The following ADCY3 variants were observed in gnomAD, a reference collection of about 807,000 sequenced individuals.
ADCY3 encodes the protein adenylate cyclase type 3.
A neutral mutation model predicts 119.4 loss-of-function variants in ADCY3; 70 were observed. The observed-to-expected ratio is 0.59, with a 90% CI of 0.48 to 0.72. The LOEUF (loss-of-function observed/expected upper bound fraction) is 0.72. Ranked by LOEUF, ADCY3 falls within the 30% of genes least tolerant of loss-of-function variation. The pLI is 0.00. For synonymous variants in ADCY3, 672 were observed against 621.4 expected, an observed-to-expected ratio of 1.08 and a Z score of -1.21; for missense variants, 1,238 against 1,541.6, an observed-to-expected ratio of 0.80 and a Z score of 3.30.
chr2:24,887,581 G>A (rs778570404), intron 2 of ADCY3, among the ~76,000 whole-genome samples: 35 of 151,900 alleles, frequency 2.3e-4, no homozygotes, highest in South Asian at 4.2e-4. Context: ...TGGTTCCCCC[G>A]GCATCTGGCT....
intron 17 of ADCY3, 109 bp downstream of exon 17, chr2:24,824,269 C>G: frequency 7.1e-7 from 1 of 1,417,232 alleles, no homozygotes; most frequent in South Asian, 1.4e-5. Flanking sequence ...CTACCTAGGC[C>G]CCAGTCCCCT....
At chr2:24,902,226 G>A (rs1679000952) in intron 2 of ADCY3, among the ~76,000 whole-genome samples, 1 of 151,706 alleles carries the variant, frequency 6.6e-6, no homozygotes, top group Non-Finnish European at 1.5e-5. Context: ...GACCACAAGT[G>A]TGTGCCACCA....
chr2:24,834,364 C>G lies in ADCY3; in HGVS notation c.1967+121G>C. On this transcript the variant is annotated intron_variant, in intron 11 of 21. Coordinates refer to ENST00000679454, the MANE Select transcript of ADCY3 (RefSeq NM_004036.5). The surrounding 1 kb of genome is among the most constrained non-coding windows in gnomAD (Gnocchi z 4.2). ...CTGTGGGGGCCGTCCCAGTGGGGGT[C>G]AGGGAGCAGAGACTGGCTTGCTCCC... 1 of 1,250,880 alleles carries G rather than the reference C, an allele frequency of 8.0e-7. No individual in the cohort carries two copies. The highest frequency in any genetic ancestry group is 2.5e-5 in the East Asian group (1 of 39,472). The allele number at this position is 1,250,880 out of a possible 1,614,324, so 77.5% of individuals were successfully genotyped here.
Position 24,917,712 on chromosome 2 carries a change from G to A in ADCY3, c.675+601C>T, listed in dbSNP as rs115586026. 7.2e-3 allele frequency among the ~76,000 whole-genome samples: 1,092 copies of A among 152,254 alleles called. 8 individuals are homozygous for A. Among genetic ancestry groups the A allele is most frequent in the African/African-American group, 0.025 (1,035 of 41,522 alleles). On this transcript the variant is annotated intron_variant, in intron 2 of 21. Coordinates refer to ENST00000679454, the MANE Select transcript of ADCY3 (RefSeq NM_004036.5). ...CCCCACACCACACCTTCAGTGGGGA[G>A]ACCACCATTCTCCACTTCATAGAAC...
At chr2:24,854,973 C>G in intron 3 of ADCY3, among the ~76,000 whole-genome samples, 1 of 152,098 alleles carries the variant, frequency 6.6e-6, no homozygotes, top group South Asian at 2.1e-4. Context: ...TCGCTTGAAC[C>G]CGGGAGAGAG....
At chr2:24,916,591 AG>A (rs937936621) in intron 2 of ADCY3, among the ~76,000 whole-genome samples, 2 of 152,244 alleles carry the variant, frequency 1.3e-5, no homozygotes, top group African/African-American at 2.4e-5. Context: ...CTAAGGCAGA[AG>A]AATAGCTTGA....
At position 24,819,872 on chromosome 2, in the gene ADCY3, CTTCAGTT is replaced by C; in HGVS notation, c.*53_*59del. On this transcript the variant is annotated 3_prime_UTR_variant, in exon 22 of 22. Coordinates refer to ENST00000679454, the MANE Select transcript of ADCY3 (RefSeq NM_004036.5). ...TTCAATCCAGGAAGGTCGGGACTTC[CTTCAGTT>C]TCAAAAAATAAATTCTCCCTTCCGG... is the stretch of plus-strand genomic sequence containing the variant. 6.4e-7 allele frequency: 1 copy of C among 1,562,234 alleles called. No homozygotes were observed. The highest frequency in any genetic ancestry group is 8.7e-7 in the Non-Finnish European group (1 of 1,147,614).
intron 14 of ADCY3, 110 bp downstream of exon 14, chr2:24,827,792 G>T: frequency 6.6e-7 from 1 of 1,520,024 alleles, no homozygotes. Flanking sequence ...AGCCTTTGAG[G>T]ACCCCTAGTG....
At chr2:24,868,628 A>G (rs1449247743) in intron 3 of ADCY3, among the ~76,000 whole-genome samples, 1 of 150,798 alleles carries the variant, frequency 6.6e-6, no homozygotes, top group Non-Finnish European at 1.5e-5. Flanking sequence ...AGCAAGATTC[A>G]GTCTCCAAAA....
At chr2:24,844,319 G>A (rs1418087917) in intron 3 of ADCY3, among the ~76,000 whole-genome samples, 1 of 152,068 alleles carries the variant, frequency 6.6e-6, no homozygotes, top group East Asian at 1.9e-4. Flanking sequence ...ACCACCCTGG[G>A]TCCTGGGTGG....
intron 2 of ADCY3, among the ~76,000 whole-genome samples, chr2:24,891,146 G>C (rs1048175021): frequency 6.6e-6 from 1 of 152,178 alleles, no homozygotes; most frequent in Admixed American, 6.5e-5. Flanking sequence ...TGGGATTACA[G>C]GCATGAGCCA....
In ADCY3 at chr2:24,820,741, C is replaced by A. The variant is rs146553503; in HGVS notation, c.3235G>T (p.Val1079Phe). 3 of 1,614,090 alleles carry A rather than the reference C, an allele frequency of 1.9e-6. No individual in the cohort carries two copies. The highest frequency in any genetic ancestry group is 1.7e-5 in the Admixed American group (1 of 60,018). Reference sequence around the variant, plus strand: ...GGACATACCTGAATGTTGCCCATGACCCCCGTGGACTCCATCCTGCTGGCT... The same window carrying A: ...GGACATACCTGAATGTTGCCCATGAACCCCGTGGACTCCATCCTGCTGGCT... ...NVASRMESTG[V>F]MGNIQVVEET... Residue 1079 changes from valine (V) to phenylalanine (F), a missense_variant, in exon 21 of 22, where the codon GTC becomes TTC. Around this residue, in one of 7 missense-constraint regions of ADCY3, gnomAD observed 43 missense variants for 77.0 expected, o/e 0.56. Coordinates refer to ENST00000679454, the MANE Select transcript of ADCY3 (RefSeq NM_004036.5).
At chr2:24,828,899 ATGT>A (rs1319020902) in intron 13 of ADCY3, among the ~76,000 whole-genome samples, 1 of 152,200 alleles carries the variant, frequency 6.6e-6, no homozygotes, top group Non-Finnish European at 1.5e-5. Context: ...GGTTCCAGGC[ATGT>A]TGTGACATGC....
chr2:24,858,165 A>ATTCTTT (rs1673234206), intron 3 of ADCY3, among the ~76,000 whole-genome samples: 1 of 149,102 alleles, frequency 6.7e-6, no homozygotes, highest in Non-Finnish European at 1.5e-5. Flanking sequence ...CCATGCCTGG[A>ATTCTTT]TTTTTTTTAA....
chr2:24,875,796 G>C (rs760597439), intron 2 of ADCY3, among the ~76,000 whole-genome samples: 41 of 152,222 alleles, frequency 2.7e-4, no homozygotes, highest in Admixed American at 6.5e-4. Context: ...TGAGGCAGGT[G>C]ATGTCACTCT....
At chr2:24,827,040 G>A (rs1040236493) in intron 15 of ADCY3, among the ~76,000 whole-genome samples, 32 of 152,106 alleles carry the variant, frequency 2.1e-4, no homozygotes, top group African/African-American at 7.5e-4. Context: ...TTTTGCTAAG[G>A]GCTATGCAGG....
chr2:24,885,060 ACT>A (rs1352631819), intron 2 of ADCY3, among the ~76,000 whole-genome samples: 4 of 152,026 alleles, frequency 2.6e-5, no homozygotes, highest in Non-Finnish European at 2.9e-5. Context: ...CTCTCAATGC[ACT>A]CTCTTAGTCA....
rs184226104 is a variant in ADCY3 at position 24,889,823 on chromosome 2, C to G, written c.676-17104G>C. The stretch of plus-strand genomic sequence containing the variant: ...TGCACTCCAGCCTGGGCAGCAAGAG[C>G]GAAACTCCGTCTCAAATAAATAAAT... On this transcript the variant is annotated intron_variant, in intron 2 of 21. Coordinates refer to ENST00000679454, the MANE Select transcript of ADCY3 (RefSeq NM_004036.5). Among the ~76,000 whole-genome samples the G allele has an allele frequency of 2.2e-4, 33 of 152,204 alleles. No homozygotes were observed. The East Asian group carries it at 6.0e-3, about 28-fold the overall frequency.
intron 2 of ADCY3, among the ~76,000 whole-genome samples, chr2:24,903,579 G>A (rs1488145750): frequency 6.6e-6 from 1 of 152,128 alleles, no homozygotes; most frequent in East Asian, 1.9e-4. Context: ...TGAGGACTAA[G>A]TGACATAATG....
Sources: allele counts gnomAD v4.1 joint callset (sites outside exome capture counted in the v4.1 genomes callset), GRCh38; gene constraint gnomAD v4.1.1; regional missense constraint gnomAD v4.1.1; non-coding constraint Gnocchi (gnomAD v3.1); transcripts MANE v1.5; gene names NCBI Gene and HGNC (gene_info 2026-07-23, HGNC 2026-07-21).